The following CCDC148 variants were observed in gnomAD, a reference collection of about 807,000 sequenced individuals.
CCDC148 encodes coiled-coil domain-containing protein 148.
A neutral mutation model predicts 85.7 loss-of-function variants in CCDC148; 89 were observed. The ratio of observed to expected loss-of-function variants is 1.04; its 90% CI spans 0.87 to 1.24. The LOEUF is 1.24. Ranked by LOEUF, CCDC148 falls within the 50% of genes most tolerant of loss-of-function variation. CCDC148 has a pLI of 0.00. For synonymous variants in CCDC148, 230 were observed against 213.9 expected (o/e 1.08, Z -0.66); for missense variants, 692 against 671.7 (o/e 1.03, Z -0.33).
intron 7 of CCDC148, among the ~76,000 whole-genome samples, chr2:158,314,840 TTTAAG>T (rs1372733187): frequency 1.3e-5 from 2 of 152,334 alleles, no homozygotes; most frequent in South Asian, 2.1e-4. Context: ...GGTCTTATAC[TTTAAG>T]TTAACTGTGC....
At chr2:158,257,269 A>AT (rs1190743927) in intron 9 of CCDC148, among the ~76,000 whole-genome samples, 1 of 151,826 alleles carries the variant, frequency 6.6e-6, no homozygotes, top group Non-Finnish European at 1.5e-5. Flanking sequence ...TTCCATCAAG[A>AT]TTAGAGGACA....
At position 158,423,596 on chromosome 2, in the gene CCDC148, C is replaced by T. The variant is rs561325336; in HGVS notation, c.25+32819G>A. 3.9e-5 allele frequency among the ~76,000 whole-genome samples: 6 copies of T among 152,192 alleles called. No individual in the cohort carries two copies. In the South Asian group the frequency reaches 8.3e-4, roughly 21 times the overall value. On this transcript the variant is annotated intron_variant, in intron 1 of 13. Coordinates refer to ENST00000283233, the MANE Select transcript of CCDC148 (RefSeq NM_138803.4). ...TGGATTAAAGACTTAAATGTTAGAC[C>T]TAAAACCATAAAAACCTTAGAAAAA...
At chr2:158,376,111 C>A (rs773415123) in intron 1 of CCDC148, among the ~76,000 whole-genome samples, 1 of 152,108 alleles carries the variant, frequency 6.6e-6, no homozygotes, top group Non-Finnish European at 1.5e-5. Flanking sequence ...TAGAAAAACA[C>A]CTATCAATAT....
Position 158,387,499 on chromosome 2 carries a change from C to T in CCDC148, c.26-28929G>A, listed in dbSNP as rs190952032. On this transcript the variant is annotated intron_variant, in intron 1 of 13. Transcript: ENST00000283233. ...TCATCCCTCATCTATAATACCACCT[C>T]TCTTCTACACAGATGCCTCCCTTAT... Among the ~76,000 whole-genome samples, 635 of 151,930 alleles carry T rather than the reference C, an allele frequency of 4.2e-3. 1 individual carries two copies. The highest frequency in any genetic ancestry group is 0.014 in the African/African-American group (598 of 41,428).
intron 9 of CCDC148, among the ~76,000 whole-genome samples, chr2:158,276,433 CAAAACAAAAACA>C (rs1187256453): frequency 3.3e-5 from 5 of 151,742 alleles, no homozygotes; most frequent in African/African-American, 1.2e-4. Context: ...GACTCGGTCT[CAAAACAAAAACA>C]AAAACAAAAA....
At chr2:158,301,542 G>A (rs1255302867) in intron 9 of CCDC148, among the ~76,000 whole-genome samples, 1 of 152,226 alleles carries the variant, frequency 6.6e-6, no homozygotes, top group Non-Finnish European at 1.5e-5. Flanking sequence ...TATCAGGGTA[G>A]GCGGAATCAC....
chr2:158,456,338 AC>A, intron 1 of CCDC148, 76 bp downstream of exon 1: 1 of 1,482,588 alleles, frequency 6.7e-7, no homozygotes, highest in African/African-American at 1.4e-5. Flanking sequence ...GCTGCAGAGA[AC>A]AAACATAAGT....
At chr2:158,408,980 G>A (rs2602193) in intron 1 of CCDC148, among the ~76,000 whole-genome samples, 14,476 of 152,010 alleles carry the variant, frequency 0.095, 764 homozygotes, top group African/African-American at 0.13. Context: ...CTTCTTTTGA[G>A]AAATGTCTAT....
chr2:158,315,751 C>T (rs2105216202), intron 7 of CCDC148, among the ~76,000 whole-genome samples: 1 of 152,162 alleles, frequency 6.6e-6, no homozygotes, highest in South Asian at 2.1e-4. Context: ...TATGGACCAA[C>T]TAGGAGCTGC....
At chr2:158,278,995 C>A (rs1690115280) in intron 9 of CCDC148, among the ~76,000 whole-genome samples, 1 of 152,190 alleles carries the variant, frequency 6.6e-6, no homozygotes, top group Non-Finnish European at 1.5e-5. Context: ...CTGCAGACAC[C>A]ACTGCTGATA....
At chr2:158,230,786 C>A (rs116292723) in intron 10 of CCDC148, among the ~76,000 whole-genome samples, 3,589 of 152,186 alleles carry the variant, frequency 0.024, 125 homozygotes, top group African/African-American at 0.077. Flanking sequence ...GAGATGGATT[C>A]AAGTGTTCAG....
intron 9 of CCDC148, among the ~76,000 whole-genome samples, chr2:158,291,923 T>C (rs1165954274): frequency 1.3e-5 from 2 of 152,232 alleles, no homozygotes; most frequent in Non-Finnish European, 2.9e-5. Flanking sequence ...TACCCAGGCA[T>C]TCAACATATG....
At chr2:158,437,346 A>C (rs139822065) in intron 1 of CCDC148, among the ~76,000 whole-genome samples, 52,105 of 151,896 alleles carry the variant, frequency 0.34, 10,155 homozygotes, top group Middle Eastern at 0.47. Context: ...TAAATGTAAT[A>C]CCTCACATAA....
chr2:158,427,723 AG>A (rs767478097), intron 1 of CCDC148, among the ~76,000 whole-genome samples: 5 of 152,082 alleles, frequency 3.3e-5, no homozygotes, highest in Non-Finnish European at 7.4e-5. Context: ...CACAAAAATT[AG>A]GTGGGTGTGG....
chr2:158,382,879 C>G (rs1684934233), intron 1 of CCDC148, among the ~76,000 whole-genome samples: 4 of 151,990 alleles, frequency 2.6e-5, no homozygotes, highest in Admixed American at 2.6e-4. Flanking sequence ...CAAGATCACA[C>G]TACTGCCCTC....
chr2:158,176,300 C>T (rs2105258327), intron 13 of CCDC148, among the ~76,000 whole-genome samples: 1 of 152,022 alleles, frequency 6.6e-6, no homozygotes, highest in South Asian at 2.1e-4. Flanking sequence ...AGATTTATAA[C>T]ATTTTTAGGT....
At chr2:158,173,793 G>C (rs13002207) in intron 13 of CCDC148, among the ~76,000 whole-genome samples, 2 of 152,048 alleles carry the variant, frequency 1.3e-5, no homozygotes, top group African/African-American at 4.8e-5. Flanking sequence ...ATGTGCTCCA[G>C]TGATTCATGT....
intron 11 of CCDC148, among the ~76,000 whole-genome samples, chr2:158,218,172 T>C (rs1372925477): frequency 1.3e-5 from 2 of 152,218 alleles, no homozygotes; most frequent in Non-Finnish European, 2.9e-5. Context: ...CTCATAATTA[T>C]CTGAATCTAC....
intron 1 of CCDC148, among the ~76,000 whole-genome samples, chr2:158,449,204 T>C (rs777482209): frequency 6.6e-6 from 1 of 152,228 alleles, no homozygotes; most frequent in Non-Finnish European, 1.5e-5. Context: ...TATATTGATC[T>C]TGTATTCTGT....
Sources: gnomAD v4.1 joint callset for allele counts (sites outside exome capture counted in the v4.1 genomes callset) on GRCh38, gnomAD v4.1.1 for gene constraint, MANE v1.5 for transcripts, NCBI Gene and HGNC (gene_info 2026-07-23, HGNC 2026-07-21) for gene names.